DHCR24: variants seen among roughly 807,000 people sequenced by gnomAD.
DHCR24 encodes 24-dehydrocholesterol reductase, also known as delta(24)-sterol reductase.
A neutral mutation model predicts 61.2 loss-of-function variants in DHCR24; 28 were observed. The ratio of observed to expected loss-of-function variants is 0.46; its 90% CI spans 0.34 to 0.63. The LOEUF is 0.63. DHCR24 is among the 20% of genes least tolerant of loss of function. The pLI is 0.01. For missense variants in DHCR24, 538 were observed against 679.1 expected, an observed-to-expected ratio of 0.79 and a Z score of 2.31; for synonymous variants, 261 against 275.9, an observed-to-expected ratio of 0.95 and a Z score of 0.54.
intron 1 of DHCR24, among the ~76,000 whole-genome samples, chr1:54,884,805 C>A (rs77979953): frequency 6.6e-6 from 1 of 152,148 alleles, no homozygotes; most frequent in African/African-American, 2.4e-5. Context: ...CCAGGACAGC[C>A]ACTCTCTCTT....
chr1:54,884,043 G>C (rs548804025), intron 1 of DHCR24, among the ~76,000 whole-genome samples: 18 of 152,320 alleles, frequency 1.2e-4, no homozygotes, highest in African/African-American at 4.3e-4. Flanking sequence ...AACTCTAGCT[G>C]GGAAGTTCAG....
chr1:54,863,433 G>A (rs1413327941), intron 6 of DHCR24, among the ~76,000 whole-genome samples: 2 of 152,134 alleles, frequency 1.3e-5, no homozygotes, highest in South Asian at 4.1e-4. Flanking sequence ...AGCCTCTGGT[G>A]CCTGTTTGAC....
intron 2 of DHCR24, among the ~76,000 whole-genome samples, chr1:54,882,739 G>A (rs949637837): frequency 1.3e-5 from 2 of 152,166 alleles, no homozygotes; most frequent in Non-Finnish European, 2.9e-5. Context: ...AAAGAGGCTA[G>A]ACAAACAAAA....
chr1:54,871,784 A>G (rs1007638172), intron 4 of DHCR24, among the ~76,000 whole-genome samples, 171 bp from the exon 5 acceptor site: 3 of 152,186 alleles, frequency 2.0e-5, no homozygotes, highest in African/African-American at 7.2e-5. Context: ...TCCTCCCTGC[A>G]GCTTCGACAT....
intron 6 of DHCR24, among the ~76,000 whole-genome samples, chr1:54,855,123 G>A (rs1408199817): frequency 6.6e-6 from 1 of 152,248 alleles, no homozygotes; most frequent in East Asian, 1.9e-4. Context: ...GGCCAGGCAC[G>A]GTGGCTCATG....
At chr1:54,857,110 G>T (rs1379360874) in intron 6 of DHCR24, among the ~76,000 whole-genome samples, 2 of 152,224 alleles carry the variant, frequency 1.3e-5, no homozygotes, top group Admixed American at 1.3e-4. Flanking sequence ...GCCTCAGAAA[G>T]TTCAAGTTTT....
intron 1 of DHCR24, among the ~76,000 whole-genome samples, chr1:54,885,938 A>G (rs922895076): frequency 3.0e-4 from 45 of 152,320 alleles, no homozygotes; most frequent in African/African-American, 1.1e-3. Context: ...AAGCACTTCC[A>G]GACACTGCGT....
intron 6 of DHCR24, among the ~76,000 whole-genome samples, chr1:54,856,601 C>CA (rs544819364): frequency 0.021 from 2,948 of 138,110 alleles, 49 homozygotes; most frequent in Non-Finnish European, 0.032. Flanking sequence ...GACTCCGTCT[C>CA]AAAAAAAAAA....
chr1:54,882,022 G>A (rs1313352977), intron 2 of DHCR24, among the ~76,000 whole-genome samples: 1 of 151,802 alleles, frequency 6.6e-6, no homozygotes, highest in Non-Finnish European at 1.5e-5. Flanking sequence ...TAACTAATAG[G>A]TACTAGGCTT....
intron 5 of DHCR24, among the ~76,000 whole-genome samples, chr1:54,867,023 C>T (rs1018400819): frequency 7.9e-5 from 12 of 152,298 alleles, no homozygotes; most frequent in African/African-American, 1.7e-4. Context: ...TGGATACAGG[C>T]GCTCCTGGTG....
At chr1:54,861,803 G>A (rs1448724342) in intron 6 of DHCR24, among the ~76,000 whole-genome samples, 1 of 152,186 alleles carries the variant, frequency 6.6e-6, no homozygotes, top group Non-Finnish European at 1.5e-5. Flanking sequence ...CAATGCCACA[G>A]TGTTTCCCCA....
In DHCR24 at chr1:54,851,880, T is replaced by G; in HGVS notation, c.*353A>C. ...GCTACCACTTACCCAGCACCTTCAA[T>G]GTGACCAGTGCTCAACTCAGATGAC... On this transcript the variant is annotated 3_prime_UTR_variant, in exon 9 of 9. Transcript: ENST00000371269. The G allele has an allele frequency of 3.1e-6, 1 of 323,852 alleles. No homozygotes were observed. The highest frequency in any genetic ancestry group is 5.9e-6 in the Non-Finnish European group (1 of 169,264). The allele number at this position is 323,852 out of a possible 1,614,324, so 20.1% of individuals were successfully genotyped here. A position where few individuals can be genotyped will look rare whatever the true frequency, so the allele number is the denominator to read the frequency against.
At chr1:54,881,904 A>T (rs574367199) in intron 2 of DHCR24, among the ~76,000 whole-genome samples, 3 of 152,160 alleles carry the variant, frequency 2.0e-5, no homozygotes, top group Non-Finnish European at 4.4e-5. Flanking sequence ...GTTCTCACTT[A>T]TAAGTGGGAG....
At chr1:54,863,008 G>A (rs1204769503) in intron 6 of DHCR24, among the ~76,000 whole-genome samples, 5 of 150,554 alleles carry the variant, frequency 3.3e-5, no homozygotes, top group South Asian at 2.1e-4. Context: ...CCCGGGAAGC[G>A]GAGCATGCAG....
rs1646866010 is a variant in DHCR24, at chr1:54,850,015, C to T, written c.*2218G>A. On this transcript the variant is annotated 3_prime_UTR_variant, in exon 9 of 9. Coordinates refer to ENST00000371269, the MANE Select transcript of DHCR24 (RefSeq NM_014762.4). ...CATCCAAAACCATCACATGGATGGC[C>T]AGGGACAGGACTGGCTACAAAAAAA... 6.6e-6 allele frequency: 1 copy of T among 152,310 alleles called. No individual in the cohort carries two copies. The highest frequency in any genetic ancestry group is 2.1e-4 in the South Asian group (1 of 4,830). The allele number at this position is 152,310 out of a possible 1,614,324, so 9.4% of individuals were successfully genotyped here.
At chr1:54,881,974 A>C (rs1038584497) in intron 2 of DHCR24, among the ~76,000 whole-genome samples, 16 of 152,302 alleles carry the variant, frequency 1.1e-4, no homozygotes, top group African/African-American at 3.6e-4. Context: ...GTCCTATCAG[A>C]GGGTGGAGGG....
intron 5 of DHCR24, 121 bp from the exon 6 acceptor site, chr1:54,865,567 A>G: frequency 1.5e-6 from 2 of 1,333,320 alleles, no homozygotes; most frequent in South Asian, 2.4e-5. Flanking sequence ...TTTCATGTCT[A>G]TTACTGCCTT....
chr1:54,875,679 G>T (rs934908538), intron 3 of DHCR24, among the ~76,000 whole-genome samples: 6 of 152,078 alleles, frequency 3.9e-5, no homozygotes, highest in Non-Finnish European at 8.8e-5. Flanking sequence ...TCCATGGGGG[G>T]GAATTGGAGC....
chr1:54,883,684 G>A lies in DHCR24; in HGVS notation c.321C>T (p.Tyr107=), dbSNP rs773872263. 6.2e-7 allele frequency: 1 copy of A among 1,614,190 alleles called. No homozygotes were observed. Among genetic ancestry groups the A allele is most frequent in the Non-Finnish European group, 8.5e-7 (1 of 1,180,030 alleles). ...TCATGATGTTTTTGTGTGTCTTCTT[G>A]TACTTCCCGACACGTAGTGAGACAG... ...WLTVSLRVGK[Y]KKTHKNIMIN... Residue 107 remains tyrosine (Y), a synonymous_variant, in exon 2 of 9, where the codon TAC becomes TAT. Coordinates refer to ENST00000371269, the MANE Select transcript of DHCR24 (RefSeq NM_014762.4). The surrounding 1 kb of genome is among the most constrained non-coding windows in gnomAD (Gnocchi z 4.3).
Sources: allele counts gnomAD v4.1 joint callset (sites outside exome capture counted in the v4.1 genomes callset), GRCh38; gene constraint gnomAD v4.1.1; non-coding constraint Gnocchi (gnomAD v3.1); transcripts MANE v1.5; gene names NCBI Gene and HGNC (gene_info 2026-07-23, HGNC 2026-07-21).